ROBO2: variants seen among roughly 807,000 people sequenced by gnomAD.
ROBO2 encodes roundabout guidance receptor 2, also known as roundabout homolog 2.
ROBO2 carries 53 observed loss-of-function variants against 160.8 expected under a neutral mutation model. That is an observed-to-expected ratio of 0.33 (90% confidence interval 0.26 to 0.41). The LOEUF is 0.41. Ranked by LOEUF, ROBO2 falls within the 10% of genes least tolerant of loss-of-function variation. The pLI is 1.00. For missense variants in ROBO2, 1,577 were observed against 1,722.4 expected (o/e 0.92, Z 1.49); for synonymous variants, 664 against 611.7 (o/e 1.09, Z -1.26).
intron 2 of ROBO2, among the ~76,000 whole-genome samples, chr3:77,021,642 A>C (rs115163934): frequency 0.015 from 2,274 of 152,282 alleles, 30 homozygotes; most frequent in Middle Eastern, 0.051. Context: ...TCCAAAATTA[A>C]TGTTCAAATT....
intron 2 of ROBO2, among the ~76,000 whole-genome samples, chr3:76,286,660 G>A (rs1708520335): frequency 6.6e-6 from 1 of 152,122 alleles, no homozygotes; most frequent in South Asian, 2.1e-4. Flanking sequence ...AGTATTTACA[G>A]TGAGGACTAT....
At chr3:76,767,280 T>G (rs1169960255) in intron 2 of ROBO2, among the ~76,000 whole-genome samples, 1 of 151,652 alleles carries the variant, frequency 6.6e-6, no homozygotes, top group Non-Finnish European at 1.5e-5. Context: ...TTTATTGCCT[T>G]TGTTATTTAA....
chr3:76,761,685 T>C (rs1424363454), intron 2 of ROBO2, among the ~76,000 whole-genome samples: 1 of 151,774 alleles, frequency 6.6e-6, no homozygotes, highest in Non-Finnish European at 1.5e-5. Flanking sequence ...CCTGTGGTCT[T>C]CTGAAAATGT....
chr3:77,061,349 C>A (rs4476545), intron 1 of ROBO2, among the ~76,000 whole-genome samples: 1 of 152,088 alleles, frequency 6.6e-6, no homozygotes, highest in South Asian at 2.1e-4. Flanking sequence ...AGATTCTTTA[C>A]ACATGTTCAG....
chr3:76,868,848 G>T (rs2071665757), intron 2 of ROBO2, among the ~76,000 whole-genome samples: 1 of 151,548 alleles, frequency 6.6e-6, no homozygotes, highest in South Asian at 2.1e-4. Context: ...TCTCTTTGGT[G>T]TATCACCAAA....
At position 77,228,739 on chromosome 3, in the gene ROBO2, T is replaced by TA. The variant is rs151324082; in HGVS notation, c.388+130409dup. Among the ~76,000 whole-genome samples, 83 of 146,792 alleles carry TA rather than the reference T, an allele frequency of 5.7e-4. 1 individual carries two copies. Among genetic ancestry groups the TA allele is most frequent in the East Asian group, 2.4e-3 (12 of 5,030 alleles). On this transcript the variant is annotated intron_variant, in intron 2 of 25. Coordinates refer to ENST00000461745, the Ensembl canonical transcript of ROBO2. ...GTATCCCAGAACTTAAGTATAATAA[T>TA]AAAAAAAAAACTTGCAAGATTAAAA...
intron 2 of ROBO2, among the ~76,000 whole-genome samples, chr3:77,172,506 A>G (rs540694934): frequency 6.6e-6 from 1 of 152,226 alleles, no homozygotes; most frequent in East Asian, 1.9e-4. Flanking sequence ...AGAGGAGTGC[A>G]TTGTTAACAT....
intron 2 of ROBO2, among the ~76,000 whole-genome samples, chr3:76,351,460 G>A (rs189076903): frequency 2.0e-4 from 31 of 152,008 alleles, no homozygotes; most frequent in African/African-American, 7.2e-4. Flanking sequence ...AAAGTATTGG[G>A]TTTGTCCATT....
At chr3:76,451,356 CT>C (rs2077466256) in intron 2 of ROBO2, among the ~76,000 whole-genome samples, 1 of 152,144 alleles carries the variant, frequency 6.6e-6, no homozygotes, top group Non-Finnish European at 1.5e-5. Flanking sequence ...TCTTTTGATT[CT>C]TAATGCCACT....
intron 2 of ROBO2, among the ~76,000 whole-genome samples, chr3:76,195,967 A>G: frequency 6.6e-6 from 1 of 152,130 alleles, no homozygotes; most frequent in East Asian, 1.9e-4. Context: ...AGAACCCTCA[A>G]GAAGTTTCCC....
intron 1 of ROBO2, among the ~76,000 whole-genome samples, chr3:77,078,406 T>C (rs979170183): frequency 1.3e-5 from 2 of 152,176 alleles, no homozygotes; most frequent in Non-Finnish European, 2.9e-5. Flanking sequence ...GATATTATCA[T>C]CACCATTTTA....
At chr3:76,648,531 T>C (rs2091093772) in intron 2 of ROBO2, among the ~76,000 whole-genome samples, 1 of 152,140 alleles carries the variant, frequency 6.6e-6, no homozygotes, top group Admixed American at 6.6e-5. Context: ...AATAGCATTA[T>C]ATCAATTCTA....
intron 2 of ROBO2, among the ~76,000 whole-genome samples, chr3:76,723,656 G>C (rs897939154): frequency 5.9e-5 from 9 of 152,096 alleles, no homozygotes; most frequent in African/African-American, 1.9e-4. Flanking sequence ...ATATTCTATT[G>C]TTTACTGACT....
intron 2 of ROBO2, among the ~76,000 whole-genome samples, chr3:76,003,203 T>C (rs2065936042): frequency 6.6e-6 from 1 of 152,144 alleles, no homozygotes; most frequent in African/African-American, 2.4e-5. Flanking sequence ...CTATGCCCTC[T>C]CTTAATCCTG....
At chr3:77,236,267 G>T (rs2087961276) in intron 2 of ROBO2, among the ~76,000 whole-genome samples, 1 of 152,164 alleles carries the variant, frequency 6.6e-6, no homozygotes, top group South Asian at 2.1e-4. Context: ...GAAATGCCTG[G>T]GTTACCATGA....
chr3:77,033,454 C>T (rs1290270965), intron 2 of ROBO2, among the ~76,000 whole-genome samples: 3 of 152,126 alleles, frequency 2.0e-5, no homozygotes, highest in Non-Finnish European at 4.4e-5. Flanking sequence ...ACCAGAACTC[C>T]TATAAATGTG....
chr3:76,777,555 C>CTTT (rs959495366), intron 2 of ROBO2, among the ~76,000 whole-genome samples: 1 of 143,398 alleles, frequency 7.0e-6, no homozygotes, highest in Non-Finnish European at 1.5e-5. Context: ...TTTTTTCTTT[C>CTTT]TTTTTTTTTT....
At chr3:77,572,028 G>A (rs568935414) in intron 13 of ROBO2, among the ~76,000 whole-genome samples, 3 of 151,962 alleles carry the variant, frequency 2.0e-5, no homozygotes, top group East Asian at 3.9e-4. Context: ...ACAATGTTTT[G>A]TGGTAAACAT....
chr3:77,172,422 T>C (rs2079730440), intron 2 of ROBO2, among the ~76,000 whole-genome samples: 1 of 152,216 alleles, frequency 6.6e-6, no homozygotes, highest in African/African-American at 2.4e-5. Flanking sequence ...TTTAAAAATG[T>C]GTTAATTACA....
Sources: gnomAD v4.1 joint callset for allele counts (sites outside exome capture counted in the v4.1 genomes callset) on GRCh38, gnomAD v4.1.1 for gene constraint, MANE v1.5 for transcripts, NCBI Gene and HGNC (gene_info 2026-07-23, HGNC 2026-07-21) for gene names.